SLC25A29: variants seen among roughly 807,000 people sequenced by gnomAD.
The protein encoded by SLC25A29 is mitochondrial basic amino acids transporter.
A neutral mutation model predicts 10.0 loss-of-function variants in SLC25A29; 13 were observed. The observed-to-expected ratio is 1.30, with a 90% CI of 0.85 to 2.07. The LOEUF is 2.07. Ranked by LOEUF, SLC25A29 falls within the 30% of genes most tolerant of loss-of-function variation. SLC25A29 has a pLI of 0.00. For synonymous variants in SLC25A29, 244 were observed against 221.1 expected, an observed-to-expected ratio of 1.10 and a Z score of -0.92; for missense variants, 475 against 447.6, an observed-to-expected ratio of 1.06 and a Z score of -0.55.
the SLC25A29 span, among the ~76,000 whole-genome samples, chr14:100,283,261 G>C: frequency 2.0e-5 from 3 of 152,352 alleles, no homozygotes; most frequent in East Asian, 5.8e-4. Context: ...TGCAGAGCAA[G>C]GTTCAGAGTG....
chr14:100,279,434 G>T, the SLC25A29 span: 1 of 152,248 alleles, frequency 6.6e-6, no homozygotes, highest in Non-Finnish European at 1.5e-5. Flanking sequence ...AGTGCCTTTT[G>T]TGAATCATGA....
Position 100,306,333 on chromosome 14 carries a change from C to T in SLC25A29, c.-101G>A. 1 of 1,180,968 alleles carries T rather than the reference C, an allele frequency of 8.5e-7. No homozygotes were observed. The highest frequency in any genetic ancestry group is 3.4e-5 in the East Asian group (1 of 29,798). The allele number at this position is 1,180,968 out of a possible 1,614,324, so 73.2% of individuals were successfully genotyped here. A position where few individuals can be genotyped will look rare whatever the true frequency, so the allele number is the denominator to read the frequency against. On this transcript the variant is annotated 5_prime_UTR_variant, in exon 1 of 4. Transcript: ENST00000359232. ...GGTCCCCGAGCGCGCGGTGCCGGGGCTGGGCCTGGCCGCTCCTCCTGGCGC... is the reference window on the plus strand; with the variant it reads ...GGTCCCCGAGCGCGCGGTGCCGGGGTTGGGCCTGGCCGCTCCTCCTGGCGC...
intron 3 of SLC25A29, 53 bp downstream of exon 3, chr14:100,293,241 A>T (rs1595353629): frequency 6.3e-7 from 1 of 1,588,678 alleles, no homozygotes; most frequent in Admixed American, 1.7e-5. Flanking sequence ...GGCAGCCCGG[A>T]AGCTAGTTCC....
At position 100,292,923 on chromosome 14, in the gene SLC25A29, G is replaced by T; in HGVS notation, c.272C>A (p.Ser91Ter). 1.2e-6 allele frequency: 2 copies of T among 1,607,864 alleles called. No individual in the cohort carries two copies. The highest frequency in any genetic ancestry group is 8.5e-7 in the Non-Finnish European group (1 of 1,178,066). The change falls in exon 4 of 4, where the codon TCG becomes TAG. Residue 91 changes from serine (S) to a stop codon, truncating the protein, a stop_gained. Transcript: ENST00000359232. LOFTEE classifies it low-confidence loss of function (END_TRUNC). ...ACCTGCCAGGAACTGGTTGAGGGGC[G>T]AGTCGTGGCCCAGGGCCCGGAGGGT... ...GNTLRALGHD[S>*]PLNQFLAGAA...
chr14:100,295,632 T>C, intron 2 of SLC25A29: 3 of 1,289,350 alleles, frequency 2.3e-6, no homozygotes, highest in South Asian at 2.5e-5. Context: ...TTACTAGCGC[T>C]CTCCAGGGTG....
rs369998462 is a variant in SLC25A29 at position 100,292,769 on chromosome 14, G to A, written c.426C>T (p.Tyr142=). Residue 142 remains tyrosine (Y), a synonymous_variant, in exon 4 of 4, where the codon TAC becomes TAT. Transcript: ENST00000359232. ...KGSLDCLAQI[Y]GHEGLRGVNR... is the part of the protein sequence containing the mutation. ...TGACGCCACGCAGACCCTCGTGCCC[G>A]TAGATCTGCGCGAGGCAGTCCAGCG... The A allele has an allele frequency of 5.6e-6, 9 of 1,600,098 alleles. No homozygotes were observed. Among genetic ancestry groups the A allele is most frequent in the African/African-American group, 5.4e-5 (4 of 74,634 alleles).
At chr14:100,301,527 T>TTTTA (rs1247701101) in intron 1 of SLC25A29, among the ~76,000 whole-genome samples, 1 of 151,708 alleles carries the variant, frequency 6.6e-6, no homozygotes, top group South Asian at 2.1e-4. Flanking sequence ...TGCTTTTTAT[T>TTTTA]TTTATTTATT....
chr14:100,305,923 G>C (rs1048383237), intron 1 of SLC25A29: 1 of 369,598 alleles, frequency 2.7e-6, no homozygotes, highest in Non-Finnish European at 4.8e-6. Context: ...CCTCCCGGCA[G>C]TCCTGGCCTC....
chr14:100,299,453 C>A, intron 1 of SLC25A29: 1 of 989,076 alleles, frequency 1.0e-6, no homozygotes, highest in Non-Finnish European at 1.2e-6. Context: ...GGAGTGACGA[C>A]CCCAGGTCCT....
In SLC25A29 at chr14:100,292,668, G is replaced by A. The variant is rs1891817241; in HGVS notation, c.527C>T (p.Thr176Met). 6.2e-7 allele frequency: 1 copy of A among 1,600,798 alleles called. No homozygotes were observed. Among genetic ancestry groups the A allele is most frequent in the Non-Finnish European group, 8.5e-7 (1 of 1,175,346 alleles). ...GVYFLTYDAL[T>M]RALGCEPGDR... ...GCCCGGCTCGCAGCCCAGCGCCCGC[G>A]TGAGAGCGTCATAGGTGAGGAAGTA... The change falls in exon 4 of 4, where the codon ACG becomes ATG. Residue 176 changes from threonine (T) to methionine (M), a missense_variant. Thr to Met is a moderately conservative substitution (Grantham distance 81). Transcript: ENST00000359232.
rs777307892 is a variant in SLC25A29 at position 100,292,271 on chromosome 14, G to A, written c.*12C>T. The A allele has an allele frequency of 6.5e-7, 1 of 1,533,758 alleles. No individual in the cohort carries two copies. Among genetic ancestry groups the A allele is most frequent in the East Asian group, 2.5e-5 (1 of 40,176 alleles). ...TGAGAAGGAGCCCTGGGGAAGGAGG[G>A]CGGGGTGAGCGTCACAGGCTGGAGG... On this transcript the variant is annotated 3_prime_UTR_variant, in exon 4 of 4. Coordinates refer to ENST00000359232, the MANE Select transcript of SLC25A29 (RefSeq NM_001039355.3).
At position 100,301,302 on chromosome 14, in the gene SLC25A29, A is replaced by G. The variant is rs548077985; in HGVS notation, c.35-2417T>C. Among the ~76,000 whole-genome samples, 817 of 151,472 alleles carry G rather than the reference A, an allele frequency of 5.4e-3. 10 individuals are homozygous for G. The highest frequency in any genetic ancestry group is 8.9e-3 in the Non-Finnish European group (602 of 67,870). ...CAAGTGATTCTCCTGCCTCAGCAGG[A>G]CTACAGGCCCACCCCACCACACCCA... On this transcript the variant is annotated intron_variant, in intron 1 of 3. Coordinates refer to ENST00000359232, the MANE Select transcript of SLC25A29 (RefSeq NM_001039355.3).
chr14:100,303,104 A>AT (rs1892670878), intron 1 of SLC25A29, among the ~76,000 whole-genome samples: 1 of 151,936 alleles, frequency 6.6e-6, no homozygotes, highest in Non-Finnish European at 1.5e-5. Context: ...TGGGTTTCTG[A>AT]TTTTCTGGGA....
downstream of SLC25A29, among the ~76,000 whole-genome samples, chr14:100,287,353 G>A (rs943409550): frequency 6.6e-6 from 1 of 152,220 alleles, no homozygotes; most frequent in African/African-American, 2.4e-5. Context: ...CTGAGCACCA[G>A]CCCTCACGGG....
At chr14:100,285,680 G>T in the SLC25A29 span, among the ~76,000 whole-genome samples, 701 of 152,146 alleles carry the variant, frequency 4.6e-3, 1 homozygote, top group African/African-American at 7.6e-3. Context: ...CCACCTGCCC[G>T]AGGCCTCGGG....
At chr14:100,293,447 T>G in intron 2 of SLC25A29, 70 bp from the exon 3 acceptor site, 1 of 1,432,322 alleles carries the variant, frequency 7.0e-7, no homozygotes, top group Non-Finnish European at 9.7e-7. Context: ...GTCTGGTGCT[T>G]AGGCTGCCTA....
intron 3 of SLC25A29, 71 bp from the exon 4 acceptor site, chr14:100,293,103 G>C: frequency 6.8e-7 from 1 of 1,464,414 alleles, no homozygotes; most frequent in Non-Finnish European, 9.0e-7. Context: ...AAGGGGGTCG[G>C]GGGATGGCAG....
downstream of SLC25A29, among the ~76,000 whole-genome samples, chr14:100,289,055 G>C (rs188516934): frequency 3.9e-5 from 6 of 152,342 alleles, no homozygotes; most frequent in African/African-American, 1.4e-4. Flanking sequence ...TGGTGGCAGC[G>C]ATCGGAGCGA....
the SLC25A29 span, chr14:100,282,760 A>G: frequency 2.6e-5 from 4 of 152,224 alleles, no homozygotes; most frequent in African/African-American, 9.6e-5. Context: ...GGCTCTATAC[A>G]ATATAATAAA....
Sources: gnomAD v4.1 joint callset for allele counts (sites outside exome capture counted in the v4.1 genomes callset) on GRCh38, gnomAD v4.1.1 for gene constraint, MANE v1.5 for transcripts, NCBI Gene and HGNC (gene_info 2026-07-23, HGNC 2026-07-21) for gene names.